WDFY4: variants seen among roughly 807,000 people sequenced by gnomAD.
WDFY4 encodes the protein WD repeat- and FYVE domain-containing protein 4.
WDFY4 carries 169 observed loss-of-function variants against 351.9 expected under a neutral mutation model. That is an observed-to-expected ratio of 0.48 (90% CI 0.42 to 0.55). The LOEUF (loss-of-function observed/expected upper bound fraction) is 0.55, where lower values mean the gene tolerates loss of function less well. Ranked by LOEUF, WDFY4 falls within the 20% of genes least tolerant of loss-of-function variation. The probability of loss-of-function intolerance (pLI) is 0.00; values close to 1 mark genes in which losing one functional copy is unlikely to be tolerated. For missense variants in WDFY4, 3,803 were observed against 3,935.6 expected (o/e 0.97, Z 0.90); for synonymous variants, 1,622 against 1,574.6 (o/e 1.03, Z -0.71).
chr10:48,833,878 T>C (rs1327090679), intron 39 of WDFY4, among the ~76,000 whole-genome samples: 1 of 152,214 alleles, frequency 6.6e-6, no homozygotes, highest in East Asian at 1.9e-4. Flanking sequence ...TCTTGGCCCA[T>C]GAACTTCGGG....
chr10:48,798,754 T>G (rs1168215434), intron 24 of WDFY4, among the ~76,000 whole-genome samples: 1 of 152,234 alleles, frequency 6.6e-6, no homozygotes, highest in Non-Finnish European at 1.5e-5. Flanking sequence ...CTAATCTTGA[T>G]GGCAGAACAC....
chr10:48,932,111 T>C (rs149529993), intron 47 of WDFY4, among the ~76,000 whole-genome samples: 16 of 152,318 alleles, frequency 1.1e-4, no homozygotes, highest in Non-Finnish European at 1.5e-4. Context: ...CTCTGCAAAA[T>C]GGATTGGTCA....
chr10:48,764,873 C>A (rs575217809), intron 13 of WDFY4, among the ~76,000 whole-genome samples: 5 of 152,290 alleles, frequency 3.3e-5, no homozygotes, highest in African/African-American at 9.6e-5. Flanking sequence ...ATGGCTATAA[C>A]CGAGGTTTGC....
intron 12 of WDFY4, among the ~76,000 whole-genome samples, chr10:48,744,010 T>C (rs957409873): frequency 6.6e-6 from 1 of 152,240 alleles, no homozygotes; most frequent in Non-Finnish European, 1.5e-5. Flanking sequence ...GAACTCTTTC[T>C]GTTCTTTCTT....
At chr10:48,979,568 A>AGGATGGATGGATGGAT (rs5784784) in intron 60 of WDFY4, 7 of 145,040 alleles carry the variant, frequency 4.8e-5, no homozygotes, top group African/African-American at 1.5e-4. Context: ...GATGGATGGA[A>AGGATGGATGGATGGAT]GGATGGATGG....
At chr10:48,839,177 G>C (rs551902554) in intron 39 of WDFY4, among the ~76,000 whole-genome samples, 1 of 152,326 alleles carries the variant, frequency 6.6e-6, no homozygotes, top group Admixed American at 6.5e-5. Context: ...TTTGAAAATA[G>C]AAAGAACTGG....
At chr10:48,898,260 C>T (rs541915328) in intron 45 of WDFY4, among the ~76,000 whole-genome samples, 1 of 152,316 alleles carries the variant, frequency 6.6e-6, no homozygotes, top group East Asian at 1.9e-4. Context: ...ATCACCTGAG[C>T]AGCAAAGGGA....
rs530559212 is a variant in WDFY4, at chr10:48,689,693, G to A, written c.-18+4692G>A. ...TGATACTTCTTGTTTTATGGCCAGA[G>A]GCTTTCATGGGAATAGAGTTTGAGA... is the stretch of plus-strand genomic sequence containing the variant. On this transcript the variant is annotated intron_variant, in intron 1 of 61. Transcript: ENST00000325239. 1.8e-3 allele frequency among the ~76,000 whole-genome samples: 269 copies of A among 152,282 alleles called. 2 individuals carry two copies. The highest frequency in any genetic ancestry group is 0.013 in the South Asian group (64 of 4,826).
Position 48,820,230 on chromosome 10 carries a change from T to C in WDFY4, c.5506-4T>C. 6.4e-7 allele frequency: 1 copy of C among 1,551,424 alleles called. No individual in the cohort carries two copies. Among genetic ancestry groups the C allele is most frequent in the Non-Finnish European group, 8.7e-7 (1 of 1,146,902 alleles). On this transcript the variant is annotated splice_region_variant and splice_polypyrimidine_tract_variant and intron_variant, in intron 32 of 61. Transcript: ENST00000325239. ...ACTCATGTTGGGGTTCTCTTGTCTT[T>C]GAGGGGGTTGGGGCTGAGTCCACCC...
intron 46 of WDFY4, among the ~76,000 whole-genome samples, chr10:48,901,005 G>A (rs1389920842): frequency 6.6e-6 from 1 of 152,170 alleles, no homozygotes; most frequent in Non-Finnish European, 1.5e-5. Context: ...GAAGTTCTGA[G>A]GTGAGATTTG....
At position 48,982,521 on chromosome 10, in the gene WDFY4, A is replaced by G; in HGVS notation, c.9501A>G (p.Lys3167=). ...TALAVSRNHT[K]LLVGDERGRI... is the part of the protein sequence containing the mutation. ...TTCTCTTCCCAAGAAACCACACCAAACTCCTGGTTGGTGATGAGAGGGGGA... is the reference window on the plus strand; with the variant it reads ...TTCTCTTCCCAAGAAACCACACCAAGCTCCTGGTTGGTGATGAGAGGGGGA... The change falls in exon 62 of 62, where the codon AAA becomes AAG. Residue 3167 remains lysine, a synonymous_variant. Transcript: ENST00000325239. The G allele has an allele frequency of 6.6e-7, 1 of 1,521,080 alleles. No homozygotes were observed. The highest frequency in any genetic ancestry group is 8.9e-7 in the Non-Finnish European group (1 of 1,129,302). 94.2% of individuals were successfully genotyped at this position (1,521,080 alleles called of 1,614,324 possible).
Position 48,834,589 on chromosome 10 carries a change from T to C in WDFY4, c.6663+1880T>C, listed in dbSNP as rs2068314135. On this transcript the variant is annotated intron_variant, in intron 39 of 61. Coordinates refer to ENST00000325239, the MANE Select transcript of WDFY4 (RefSeq NM_001394531.1). Reference sequence around the variant, plus strand: ...CTTGGAGCATTCCCACTTGTGCCCATATACCTGCTCCTGACCAGTGTCACT... The same window carrying C: ...CTTGGAGCATTCCCACTTGTGCCCACATACCTGCTCCTGACCAGTGTCACT... 2.6e-5 allele frequency among the ~76,000 whole-genome samples: 4 copies of C among 152,232 alleles called. No homozygotes were observed. In the South Asian group the frequency reaches 8.3e-4, roughly 31 times the overall value.
chr10:48,872,946 G>A (rs897808374), intron 40 of WDFY4, among the ~76,000 whole-genome samples: 6 of 152,180 alleles, frequency 3.9e-5, no homozygotes, highest in South Asian at 2.1e-4. Context: ...CTGTCATTTC[G>A]TTGGAGATTC....
chr10:48,975,536 G>C (rs1023102992), intron 58 of WDFY4, among the ~76,000 whole-genome samples: 8 of 152,180 alleles, frequency 5.3e-5, no homozygotes, highest in African/African-American at 1.7e-4. Context: ...AGAGGTTTCT[G>C]CATCTGCTCA....
chr10:48,799,303 A>G (rs1259695856), intron 24 of WDFY4, among the ~76,000 whole-genome samples: 1 of 150,924 alleles, frequency 6.6e-6, no homozygotes, highest in African/African-American at 2.5e-5. Flanking sequence ...GAAATGAAAC[A>G]AAATAAAATT....
At chr10:48,773,896 C>T (rs148055233) in intron 13 of WDFY4, among the ~76,000 whole-genome samples, 81 of 152,214 alleles carry the variant, frequency 5.3e-4, no homozygotes, top group African/African-American at 1.9e-3. Flanking sequence ...CCTTTTACTC[C>T]GGGGGTGCGA....
chr10:48,970,369 C>T, intron 57 of WDFY4, 80 bp downstream of exon 57: 1 of 1,498,096 alleles, frequency 6.7e-7, no homozygotes, highest in Non-Finnish European at 8.9e-7. Context: ...CCTGGCATGG[C>T]ACCTGGGCAG....
intron 39 of WDFY4, among the ~76,000 whole-genome samples, chr10:48,855,923 T>G (rs2069116809): frequency 1.3e-5 from 2 of 152,148 alleles, no homozygotes; most frequent in Admixed American, 1.3e-4. Context: ...TAGATTAAAC[T>G]TTATCATAGG....
rs1278509001 is a variant in WDFY4 at position 48,725,861 on chromosome 10, T to C, written c.592-20T>C. ...CTTCCTAACCAGGTCTCCTTGACTG[T>C]TTATCTTCTTATTTTTCAGATGTTG... On this transcript the variant is annotated intron_variant, in intron 5 of 61. Coordinates refer to ENST00000325239, the MANE Select transcript of WDFY4 (RefSeq NM_001394531.1). The C allele has an allele frequency of 1.2e-5, 18 of 1,531,136 alleles. No individual in the cohort carries two copies. The highest frequency in any genetic ancestry group is 1.5e-5 in the Non-Finnish European group (17 of 1,131,488). 94.8% of individuals were successfully genotyped at this position (1,531,136 alleles called of 1,614,324 possible).
Sources: gnomAD v4.1 joint callset for allele counts (sites outside exome capture counted in the v4.1 genomes callset) on GRCh38, gnomAD v4.1.1 for gene constraint, MANE v1.5 for transcripts, NCBI Gene and HGNC (gene_info 2026-07-23, HGNC 2026-07-21) for gene names.